The following TMEM132C variants were observed in gnomAD, a reference collection of about 807,000 sequenced individuals.
TMEM132C encodes protein phosphatase 1, regulatory subunit 152.
Under a neutral mutation model 61.4 loss-of-function variants are expected in TMEM132C, and 29 were observed. That is an observed-to-expected ratio of 0.47 (90% CI 0.35 to 0.64). TMEM132C has a LOEUF of 0.64. Ranked by LOEUF, TMEM132C falls within the 30% of genes least tolerant of loss-of-function variation. TMEM132C has a pLI of 0.00. For synonymous variants in TMEM132C, 656 were observed against 633.1 expected (o/e 1.04, Z -0.54); for missense variants, 1,408 against 1,476.9 (o/e 0.95, Z 0.76).
At chr12:128,553,671 A>G (rs191142253) in intron 3 of TMEM132C, among the ~76,000 whole-genome samples, 7 of 152,318 alleles carry the variant, frequency 4.6e-5, no homozygotes, top group Admixed American at 2.0e-4. Flanking sequence ...TTCCACGACA[A>G]TATGGCACTG....
intron 1 of TMEM132C, among the ~76,000 whole-genome samples, chr12:128,395,338 T>A (rs1218824776): frequency 1.3e-5 from 2 of 152,122 alleles, no homozygotes; most frequent in Non-Finnish European, 2.9e-5. Flanking sequence ...TATGTGATAA[T>A]TGTGTAATAA....
At position 128,383,400 on chromosome 12, in the gene TMEM132C, C is replaced by T. The variant is rs371910990; in HGVS notation, c.86-31332C>T. 4.6e-5 allele frequency among the ~76,000 whole-genome samples: 7 copies of T among 152,296 alleles called. No homozygotes were observed. The East Asian group carries it at 9.6e-4, about 21-fold the overall frequency. ...ATCAACTTCACGTGGAAACACGCTC[C>T]GGGTGCTAAGGAGCTCGCAGCCGTG... On this transcript the variant is annotated intron_variant, in intron 1 of 8. Transcript: ENST00000435159.
chr12:128,533,575 A>G (rs1350444564), intron 2 of TMEM132C, among the ~76,000 whole-genome samples: 2 of 152,048 alleles, frequency 1.3e-5, no homozygotes, highest in African/African-American at 4.8e-5. Context: ...GGCCATCTTC[A>G]TGTTCCCATG....
rs78973749 is a variant in TMEM132C at position 128,587,387 on chromosome 12, T to C, written c.1122-28765T>C. On this transcript the variant is annotated intron_variant, in intron 3 of 8. Coordinates refer to ENST00000435159, the MANE Select transcript of TMEM132C (RefSeq NM_001136103.3). ...CATCTGGCCAGAGGGGCAAGGGAGC[T>C]CTCTGGGACTTCACTGGTAATGTCA... 6.2e-3 allele frequency among the ~76,000 whole-genome samples: 947 copies of C among 152,194 alleles called. 11 individuals carry two copies. Among genetic ancestry groups the C allele is most frequent in the African/African-American group, 0.022 (898 of 41,532 alleles).
chr12:128,398,764 A>G (rs1454953336), intron 1 of TMEM132C, among the ~76,000 whole-genome samples: 1 of 152,206 alleles, frequency 6.6e-6, no homozygotes, highest in Admixed American at 6.5e-5. Context: ...AAGTCGATAT[A>G]TGATATGCAG....
At position 128,295,208 on chromosome 12, in the gene TMEM132C, G is replaced by T. The variant is rs544747143; in HGVS notation, c.85+27721G>T. Among the ~76,000 whole-genome samples, 3 of 152,198 alleles carry T rather than the reference G, an allele frequency of 2.0e-5. No homozygotes were observed. The South Asian group carries it at 6.2e-4, about 32-fold the overall frequency. The stretch of plus-strand genomic sequence containing the variant: ...TATGTTTGAGACAGGGTCTTGCTCT[G>T]TTGCCCAGGCTGGAGTGCAGTGGCA... On this transcript the variant is annotated intron_variant, in intron 1 of 8. Transcript: ENST00000435159.
At chr12:128,363,201 T>G (rs1406655350) in intron 1 of TMEM132C, among the ~76,000 whole-genome samples, 4 of 152,244 alleles carry the variant, frequency 2.6e-5, no homozygotes, top group Non-Finnish European at 5.9e-5. Context: ...AATGAGCACA[T>G]GGTTTTAATT....
At chr12:128,450,991 G>A (rs754290101) in intron 2 of TMEM132C, among the ~76,000 whole-genome samples, 38 of 152,104 alleles carry the variant, frequency 2.5e-4, no homozygotes, top group Admixed American at 7.9e-4. Context: ...GAAGTAAGCC[G>A]AAAGCATGAA....
chr12:128,680,305 C>T (rs539822002), intron 5 of TMEM132C, among the ~76,000 whole-genome samples: 6 of 152,128 alleles, frequency 3.9e-5, no homozygotes, highest in Non-Finnish European at 7.4e-5. Context: ...GGCCCAAAGC[C>T]GCACAGCTGA....
intron 2 of TMEM132C, among the ~76,000 whole-genome samples, chr12:128,542,226 C>T (rs1211792541): frequency 6.6e-6 from 1 of 152,184 alleles, no homozygotes; most frequent in African/African-American, 2.4e-5. Flanking sequence ...ATCCACTGAA[C>T]TCCCAGTTTC....
chr12:128,323,391 G>T (rs569110179), intron 1 of TMEM132C, among the ~76,000 whole-genome samples: 1 of 152,228 alleles, frequency 6.6e-6, no homozygotes, highest in Non-Finnish European at 1.5e-5. Context: ...ATTGTCAGGC[G>T]TGACGAAGCA....
chr12:128,702,153 G>A (rs1954808580), intron 8 of TMEM132C, among the ~76,000 whole-genome samples: 1 of 151,864 alleles, frequency 6.6e-6, no homozygotes, highest in African/African-American at 2.4e-5. Flanking sequence ...GCCCACCTCG[G>A]CCTCCCAAAG....
Position 128,543,994 on chromosome 12 carries a change from C to A in TMEM132C, c.1012C>A (p.Gln338Lys). The A allele has an allele frequency of 6.5e-7, 1 of 1,549,318 alleles. No individual in the cohort carries two copies. The highest frequency in any genetic ancestry group is 8.7e-7 in the Non-Finnish European group (1 of 1,146,066). ...VKKGVNILSAQTREPRQWGVK... is the reference protein window; with the variant it reads ...VKKGVNILSAKTREPRQWGVK... ...GAAGGGGGTGAACATCCTGAGTGCT[C>A]AGACCCGTGAGCCCCGGCAGTGGGG... is the stretch of plus-strand genomic sequence containing the variant. The change falls in exon 3 of 9, where the codon CAG becomes AAG. Residue 338 changes from glutamine (Q) to lysine (K), a missense_variant. Coordinates refer to ENST00000435159, the MANE Select transcript of TMEM132C (RefSeq NM_001136103.3).
At chr12:128,599,478 G>A (rs1179309522) in intron 3 of TMEM132C, among the ~76,000 whole-genome samples, 3 of 152,214 alleles carry the variant, frequency 2.0e-5, no homozygotes, top group Admixed American at 2.0e-4. Context: ...CTCCGGAGGA[G>A]ACGGTTGCCT....
At chr12:128,639,494 T>G (rs539138892) in intron 4 of TMEM132C, among the ~76,000 whole-genome samples, 5 of 152,252 alleles carry the variant, frequency 3.3e-5, no homozygotes, top group African/African-American at 1.2e-4. Flanking sequence ...TGTTTGAGAA[T>G]AGCCAAAAAT....
intron 1 of TMEM132C, among the ~76,000 whole-genome samples, chr12:128,309,670 C>A (rs1156574831): frequency 6.6e-6 from 1 of 152,130 alleles, no homozygotes; most frequent in Non-Finnish European, 1.5e-5. Context: ...CACTCGGCAT[C>A]ACTTCTTTAG....
chr12:128,291,927 G>A (rs1285297767), intron 1 of TMEM132C, among the ~76,000 whole-genome samples: 3 of 152,178 alleles, frequency 2.0e-5, no homozygotes, highest in Non-Finnish European at 4.4e-5. Flanking sequence ...CCGGCTGACC[G>A]GAGGCAGCTT....
Position 128,706,011 on chromosome 12 carries a change from G to A in TMEM132C, c.3043G>A (p.Gly1015Ser). The A allele has an allele frequency of 1.9e-6, 3 of 1,551,758 alleles. No individual in the cohort carries two copies. The highest frequency in any genetic ancestry group is 1.4e-5 in the African/African-American group (1 of 73,174). Residue 1015 changes from glycine to serine, a missense_variant, in exon 9 of 9, where the codon GGT (glycine) becomes AGT (serine). Gly to Ser is a moderately conservative substitution (Grantham distance 56). Transcript: ENST00000435159. ...GGAGAGCAACCATCTCCTGCTCAATGGTGGCTCCCACAAGCACGTGCAGAG... is the reference window on the plus strand; with the variant it reads ...GGAGAGCAACCATCTCCTGCTCAATAGTGGCTCCCACAAGCACGTGCAGAG... The part of the protein sequence containing the change: ...CEESNHLLLN[G>S]GSHKHVQSQI...
At chr12:128,529,991 A>C (rs934899255) in intron 2 of TMEM132C, among the ~76,000 whole-genome samples, 2 of 151,940 alleles carry the variant, frequency 1.3e-5, no homozygotes, top group African/African-American at 4.8e-5. Flanking sequence ...CCTACCCTTC[A>C]ATCTGGTATT....
Sources: allele counts gnomAD v4.1 joint callset (sites outside exome capture counted in the v4.1 genomes callset), GRCh38; gene constraint gnomAD v4.1.1; transcripts MANE v1.5; gene names NCBI Gene and HGNC (gene_info 2026-07-23, HGNC 2026-07-21).